Variants in RPL21 observed in about 807,000 individuals in gnomAD.
RPL21 encodes the protein large ribosomal subunit protein eL21.
A neutral mutation model predicts 21.2 loss-of-function variants in RPL21; 1 was observed. The ratio of observed to expected loss-of-function variants is 0.05; its 90% CI spans 0.02 to 0.22. The LOEUF is 0.22. Ranked by LOEUF, RPL21 falls within the 10% of genes least tolerant of loss-of-function variation. The pLI is 1.00. For synonymous variants in RPL21, 52 were observed against 62.9 expected (o/e 0.83, Z 0.82); for missense variants, 113 against 199.4 (o/e 0.57, Z 2.61).
intron 2 of RPL21, 105 bp downstream of exon 2, chr13:27,253,948 ACTAGCGTCTAC>A (rs1487584759): frequency 1.0e-5 from 8 of 776,616 alleles, no homozygotes; most frequent in African/African-American, 1.0e-4. Context: ...GAATTAAATA[ACTAGCGTCTAC>A]CCAGCTTATT....
chr13:27,252,657 A>G (rs1050227342), intron 1 of RPL21, among the ~76,000 whole-genome samples: 1 of 152,186 alleles, frequency 6.6e-6, no homozygotes, highest in African/African-American at 2.4e-5. Flanking sequence ...AGTTTTTGGA[A>G]CTTTATACAC....
Position 27,253,813 on chromosome 13 carries a change from T to C in RPL21, c.37T>C (p.Tyr13His). 1 of 1,607,184 alleles carries C rather than the reference T, an allele frequency of 6.2e-7. No individual in the cohort carries two copies. The change falls in exon 2 of 6, where the codon TAT (tyrosine) becomes CAT (histidine). Residue 13 changes from tyrosine to histidine, a missense_variant. Physicochemically the swap from Tyr to His is moderately conservative, Grantham distance 83 (BLOSUM62 2). Transcript: ENST00000311549. ...AAAGGGAAAGAGGAGAGGCACCCGATATATGTTCTCTAGGCCTTTTAGAAA... is the reference window on the plus strand; with the variant it reads ...AAAGGGAAAGAGGAGAGGCACCCGACATATGTTCTCTAGGCCTTTTAGAAA... Reference protein sequence around the residue: ...NTKGKRRGTRYMFSRPFRKHG... With the variant: ...NTKGKRRGTRHMFSRPFRKHG...
intron 1 of RPL21, among the ~76,000 whole-genome samples, chr13:27,252,268 C>T (rs987624140): frequency 3.3e-5 from 5 of 152,164 alleles, no homozygotes; most frequent in African/African-American, 4.8e-5. Flanking sequence ...CCAATATTTG[C>T]ACCAAGAGGA....
chr13:27,255,204 G>T (rs1314836622), intron 3 of RPL21, 38 bp from the exon 4 acceptor site: 1 of 849,776 alleles, frequency 1.2e-6, no homozygotes, highest in Non-Finnish European at 2.1e-6. Context: ...TTTAAAGGAA[G>T]GGGAAATGCT....
At chr13:27,252,510 C>T (rs1253396760) in intron 1 of RPL21, among the ~76,000 whole-genome samples, 1 of 152,050 alleles carries the variant, frequency 6.6e-6, no homozygotes, top group South Asian at 2.1e-4. Flanking sequence ...AAATGGATTC[C>T]AAACTCAGAA....
intron 1 of RPL21, among the ~76,000 whole-genome samples, chr13:27,252,936 A>G (rs996310197): frequency 1.3e-5 from 2 of 152,260 alleles, no homozygotes; most frequent in East Asian, 1.9e-4. Context: ...CTGCCCTATA[A>G]TGACTAAAGA....
intron 3 of RPL21, 49 bp downstream of exon 3, chr13:27,254,330 A>G (rs201518184): frequency 9.0e-7 from 1 of 1,106,884 alleles, no homozygotes; most frequent in African/African-American, 1.5e-5. Flanking sequence ...GAAAAGTTGG[A>G]TTTAATCTAG....
At chr13:27,255,666 G>T in intron 4 of RPL21, 9 of 424,508 alleles carry the variant, frequency 2.1e-5, no homozygotes, top group South Asian at 1.7e-4. Context: ...CCACCTCCTG[G>T]GTTCACGCCA....
chr13:27,256,542 A>T lies in RPL21; in HGVS notation c.*17A>T, dbSNP rs1285835090. 3.8e-6 allele frequency: 4 copies of T among 1,043,084 alleles called. No individual in the cohort carries two copies. The Admixed American group carries it at 6.8e-5, about 18-fold the overall frequency. The allele number at this position is 1,043,084 out of a possible 1,614,324, so 64.6% of individuals were successfully genotyped here. ...ATGGCATAATAGGTGTTAAAAAAAA[A>T]AATAAAGGACCTCTGGGCTACAAAA... is the stretch of plus-strand genomic sequence containing the variant. On this transcript the variant is annotated 3_prime_UTR_variant, in exon 6 of 6. Transcript: ENST00000311549.
chr13:27,254,308 C>G (rs777345444), intron 3 of RPL21, 27 bp downstream of exon 3: 27 of 1,348,112 alleles, frequency 2.0e-5, no homozygotes, highest in Non-Finnish European at 1.4e-5. Context: ...GAAAATAACA[C>G]TACAGAAGAT....
intron 4 of RPL21, 168 bp downstream of exon 4, chr13:27,255,522 CAAATTG>C: frequency 1.3e-6 from 1 of 759,904 alleles, no homozygotes; most frequent in Admixed American, 1.7e-5. Flanking sequence ...TCAGAGGAAA[CAAATTG>C]AAATAGATTT....
chr13:27,254,760 C>T (rs547052248), intron 3 of RPL21, among the ~76,000 whole-genome samples: 49 of 151,584 alleles, frequency 3.2e-4, no homozygotes, highest in East Asian at 1.2e-3. Flanking sequence ...TCGGGTGATC[C>T]GCCGGACTCA....
rs1164180831 is a variant in RPL21, at chr13:27,256,210, A to G, written c.269A>G (p.Asn90Ser). 1.3e-6 allele frequency: 2 copies of G among 1,594,686 alleles called. No homozygotes were observed. The highest frequency in any genetic ancestry group is 1.1e-5 in the South Asian group (1 of 89,080). ...GGCAAGATTCTTGCCAAGAGAATTA[A>G]TGTGCGTATTGAGCACATTAAGCAC... ...VKGKILAKRI[N>S]VRIEHIKHSK... is the part of the protein sequence containing the mutation. The change falls in exon 5 of 6, where the codon AAT (asparagine) becomes AGT (serine). Residue 90 changes from asparagine to serine, a missense_variant. Asn to Ser is a conservative substitution (Grantham distance 46, BLOSUM62 1). Transcript: ENST00000311549.
chr13:27,252,980 A>C (rs936019049), intron 1 of RPL21, among the ~76,000 whole-genome samples: 41 of 152,226 alleles, frequency 2.7e-4, no homozygotes, highest in African/African-American at 9.7e-4. Context: ...CTTTTTGGGA[A>C]ACAAAGGAAA....
At position 27,256,540 on chromosome 13, in the gene RPL21, A is replaced by G. The variant is rs769202563; in HGVS notation, c.*15A>G. ...TCATGGCATAATAGGTGTTAAAAAA[A>G]AAAATAAAGGACCTCTGGGCTACAA... On this transcript the variant is annotated 3_prime_UTR_variant, in exon 6 of 6. Transcript: ENST00000311549. 3.3e-5 allele frequency: 35 copies of G among 1,063,160 alleles called. No individual in the cohort carries two copies. The highest frequency in any genetic ancestry group is 2.2e-4 in the Middle Eastern group (1 of 4,630). 65.9% of individuals were successfully genotyped at this position (1,063,160 alleles called of 1,614,324 possible). A position where few individuals can be genotyped will look rare whatever the true frequency, so the allele number is the denominator to read the frequency against.
intron 1 of RPL21, among the ~76,000 whole-genome samples, chr13:27,252,198 T>G (rs570433386): frequency 5.9e-5 from 9 of 152,288 alleles, no homozygotes; most frequent in Non-Finnish European, 1.2e-4. Flanking sequence ...TCCGACTGTT[T>G]TTAAAATTTT....
chr13:27,254,988 A>G (rs1195211167), intron 3 of RPL21: 5 of 647,924 alleles, frequency 7.7e-6, no homozygotes, highest in African/African-American at 5.4e-5. Flanking sequence ...GAAGATTACT[A>G]TTACTATGAT....
chr13:27,254,319 A>G (rs1881786161), intron 3 of RPL21, 38 bp downstream of exon 3: 2 of 1,246,230 alleles, frequency 1.6e-6, no homozygotes, highest in East Asian at 2.3e-5. Context: ...TACAGAAGAT[A>G]GAAAAGTTGG....
intron 1 of RPL21, chr13:27,251,901 G>C (rs1257462053): frequency 6.6e-6 from 1 of 152,418 alleles, no homozygotes; most frequent in East Asian, 1.9e-4. Context: ...TGTTCCCGTG[G>C]CTGCATCTCC....
Sources: gnomAD v4.1 joint callset for allele counts (sites outside exome capture counted in the v4.1 genomes callset) on GRCh38, gnomAD v4.1.1 for gene constraint, MANE v1.5 for transcripts, NCBI Gene and HGNC (gene_info 2026-07-23, HGNC 2026-07-21) for gene names.